Variants in TECTA observed in about 807,000 individuals in gnomAD.
The protein encoded by TECTA is alpha-tectorin.
Under a neutral mutation model 216.8 loss-of-function variants are expected in TECTA, and 128 were observed. The ratio of observed to expected loss-of-function variants is 0.59; its 90% CI spans 0.51 to 0.68. The LOEUF (loss-of-function observed/expected upper bound fraction) is 0.68, where lower values mean the gene tolerates loss of function less well. Among genes scored for constraint, TECTA ranks in the 30% least tolerant of loss-of-function variants. TECTA has a pLI of 0.00. For missense variants in TECTA, 2,551 were observed against 2,786.2 expected (o/e 0.92, Z 1.90); for synonymous variants, 1,089 against 1,117.1 (o/e 0.97, Z 0.50).
chr11:121,147,808 T>C (rs1250580552), intron 12 of TECTA, among the ~76,000 whole-genome samples: 2 of 152,114 alleles, frequency 1.3e-5, no homozygotes, highest in Non-Finnish European at 2.9e-5. Context: ...CCAGGGTGGC[T>C]GGGGTGGGGA....
rs1014145774 is a variant in TECTA, at chr11:121,101,375, A to AT, written c.-63dup. 1.3e-5 allele frequency: 2 copies of AT among 152,066 alleles called. No individual in the cohort carries two copies. The highest frequency in any genetic ancestry group is 4.8e-5 in the African/African-American group (2 of 41,382). The allele number at this position is 152,066 out of a possible 1,614,324, so 9.4% of individuals were successfully genotyped here. On this transcript the variant is annotated 5_prime_UTR_variant, in exon 1 of 24. Coordinates refer to ENST00000392793, the MANE Select transcript of TECTA (RefSeq NM_005422.4). ...CTGACATGAATTCTTGTTTTACCTA[A>AT]TTTTTTCTGGCTTACCAAGATTTGG...
chr11:121,128,968 A>C (rs1057316574), intron 9 of TECTA, among the ~76,000 whole-genome samples: 2 of 152,336 alleles, frequency 1.3e-5, no homozygotes, highest in African/African-American at 4.8e-5. Flanking sequence ...GAAGACACTT[A>C]CTAAAAGGGT....
chr11:121,108,750 CCCAGTACACACACACACACCATCA>C (rs1946415079), intron 3 of TECTA, among the ~76,000 whole-genome samples: 1 of 151,210 alleles, frequency 6.6e-6, no homozygotes, highest in African/African-American at 2.4e-5. Context: ...CACACCTCAC[CCCAGTACACACACACACACCATCA>C]CCAGAACACA....
chr11:121,174,333 TA>T (rs1292819897), intron 20 of TECTA, among the ~76,000 whole-genome samples: 1 of 151,114 alleles, frequency 6.6e-6, no homozygotes, highest in African/African-American at 2.5e-5. Flanking sequence ...GGGTTAGTCA[TA>T]GATAGCTCTT....
At position 121,150,984 on chromosome 11, in the gene TECTA, A is replaced by T. The variant is rs572585933; in HGVS notation, c.4106-1897A>T. On this transcript the variant is annotated intron_variant, in intron 12 of 23. Coordinates refer to ENST00000392793, the MANE Select transcript of TECTA (RefSeq NM_005422.4). ...TTTAAAGAACTTTTATAATTTAATA[A>T]TAAAAATTTCAACAACATGAAATGT... 1.6e-3 allele frequency among the ~76,000 whole-genome samples: 239 copies of T among 152,340 alleles called. 6 individuals carry two copies. The highest frequency in any genetic ancestry group is 1.0e-3 in the Non-Finnish European group (70 of 68,040).
At chr11:121,135,043 C>A (rs1465979678) in intron 10 of TECTA, among the ~76,000 whole-genome samples, 1 of 152,122 alleles carries the variant, frequency 6.6e-6, no homozygotes, top group Non-Finnish European at 1.5e-5. Flanking sequence ...TTGAGATGTC[C>A]CCCAGGATGT....
intron 9 of TECTA, 24 bp downstream of exon 9, chr11:121,128,368 G>C (rs778256868): frequency 1.3e-6 from 2 of 1,596,766 alleles, no homozygotes; most frequent in Middle Eastern, 1.7e-4. Context: ...CTCCTTTGGA[G>C]GGGTTCCTGG....
intron 10 of TECTA, among the ~76,000 whole-genome samples, chr11:121,136,896 G>A (rs974404744): frequency 1.3e-5 from 2 of 152,168 alleles, no homozygotes; most frequent in Non-Finnish European, 2.9e-5. Flanking sequence ...GTTGAGATAA[G>A]GTACACAAAA....
intron 20 of TECTA, among the ~76,000 whole-genome samples, chr11:121,180,813 C>CTTTTTTTTTTT (rs34807486): frequency 8.3e-6 from 1 of 119,998 alleles, no homozygotes. Context: ...TTTCTTATTC[C>CTTTTTTTTTTT]TTTTTTTTTT....
chr11:121,102,802 A>G, intron 2 of TECTA, 73 bp downstream of exon 2: 1 of 1,340,696 alleles, frequency 7.5e-7, no homozygotes, highest in South Asian at 1.2e-5. Flanking sequence ...CTTTTATTGG[A>G]ACCACAATTG....
intron 17 of TECTA, 136 bp downstream of exon 17, chr11:121,165,519 G>C (rs976132752): frequency 1.4e-4 from 93 of 669,332 alleles, no homozygotes; most frequent in Non-Finnish European, 4.9e-5. Flanking sequence ...GCAGAACAAG[G>C]AAGCAATCTG....
chr11:121,145,486 AT>A, intron 11 of TECTA, 68 bp from the exon 12 acceptor site: 2 of 1,542,864 alleles, frequency 1.3e-6, no homozygotes, highest in Non-Finnish European at 1.8e-6. Flanking sequence ...CAAGAGACTC[AT>A]CGTTAGGAGA....
intron 20 of TECTA, among the ~76,000 whole-genome samples, chr11:121,177,037 C>A (rs1423908630): frequency 6.6e-6 from 1 of 152,164 alleles, no homozygotes; most frequent in Non-Finnish European, 1.5e-5. Flanking sequence ...AGCTCCTTTA[C>A]ACACTTCTCT....
intron 7 of TECTA, among the ~76,000 whole-genome samples, chr11:121,122,821 C>T (rs943761251): frequency 2.0e-5 from 3 of 150,960 alleles, no homozygotes; most frequent in Non-Finnish European, 4.4e-5. Context: ...CCACTGCACT[C>T]CAGCCTGGGA....
chr11:121,124,210 C>T (rs1946584923), intron 7 of TECTA, among the ~76,000 whole-genome samples: 1 of 152,212 alleles, frequency 6.6e-6, no homozygotes. Flanking sequence ...GATTTCTGTT[C>T]ATTTCACTTG....
At chr11:121,182,289 G>A (rs1055645286) in intron 20 of TECTA, among the ~76,000 whole-genome samples, 133 of 152,040 alleles carry the variant, frequency 8.7e-4, no homozygotes, top group African/African-American at 2.9e-3. Flanking sequence ...GCAGCAGTGG[G>A]CCAACTCTCA....
chr11:121,127,260 C>T lies in TECTA; in HGVS notation c.1775-492C>T, dbSNP rs184626255. On this transcript the variant is annotated intron_variant, in intron 8 of 23. Transcript: ENST00000392793. The surrounding 1 kb of genome is among the most constrained non-coding windows in gnomAD (Gnocchi z 5.0). The stretch of plus-strand genomic sequence containing the variant: ...ATCCCCACAGCCTTCCTTGGTCACA[C>T]TTAGGTATTTTAAGTGCCTCCCTGT... Among the ~76,000 whole-genome samples the T allele has an allele frequency of 5.2e-3, 785 of 152,298 alleles. 3 individuals carry two copies. Among genetic ancestry groups the T allele is most frequent in the Non-Finnish European group, 9.6e-3 (654 of 68,010 alleles).
rs142497363 is a variant in TECTA at position 121,105,786 on chromosome 11, G to A, written c.65-45G>A. ...GTAGGAGAGATGTAGATTGCCAAAC[G>A]GCAGAGGGAGCTGCCATCTATCTAA... On this transcript the variant is annotated intron_variant, in intron 2 of 23. Transcript: ENST00000392793. The surrounding 1 kb of genome is among the most constrained non-coding windows in gnomAD (Gnocchi z 5.3). The A allele has an allele frequency of 5.6e-6, 9 of 1,612,942 alleles. No individual in the cohort carries two copies. The highest frequency in any genetic ancestry group is 2.2e-5 in the East Asian group (1 of 44,854).
Position 121,177,533 on chromosome 11 carries a change from G to C in TECTA, c.5999+8608G>C, listed in dbSNP as rs573892087. Among the ~76,000 whole-genome samples, 239 of 152,296 alleles carry C rather than the reference G, an allele frequency of 1.6e-3. 1 individual carries two copies. The highest frequency in any genetic ancestry group is 5.5e-3 in the African/African-American group (230 of 41,558). On this transcript the variant is annotated intron_variant, in intron 20 of 23. Coordinates refer to ENST00000392793, the MANE Select transcript of TECTA (RefSeq NM_005422.4). ...ATGCTGCTGTCTGATCGTTCCTCTG[G>C]AAGTTTTGTCTCAGAGGAGTACCCG...
Sources: allele counts gnomAD v4.1 joint callset (sites outside exome capture counted in the v4.1 genomes callset), GRCh38; gene constraint gnomAD v4.1.1; non-coding constraint Gnocchi (gnomAD v3.1); transcripts MANE v1.5; gene names NCBI Gene and HGNC (gene_info 2026-07-23, HGNC 2026-07-21).